PRORP: variants seen among roughly 807,000 people sequenced by gnomAD.
PRORP encodes the protein protein only RNase P catalytic subunit.
A neutral mutation model predicts 59.4 loss-of-function variants in PRORP; 51 were observed. The observed-to-expected ratio is 0.86, with a 90% CI of 0.69 to 1.08. The LOEUF is 1.08. Among genes scored for constraint, PRORP ranks in the 50% least tolerant of loss-of-function variants. The pLI, the probability that PRORP is intolerant of heterozygous loss-of-function variation, is 0.00. For synonymous variants in PRORP, 231 were observed against 245.6 expected (o/e 0.94, Z 0.55); for missense variants, 646 against 690.3 (o/e 0.94, Z 0.72).
rs905920255 is a variant in PRORP at position 35,268,690 on chromosome 14, G to T, written c.1425-1711G>T. Among the ~76,000 whole-genome samples, 6 of 152,202 alleles carry T rather than the reference G, an allele frequency of 3.9e-5. 1 individual carries two copies. Among genetic ancestry groups the T allele is most frequent in the African/African-American group, 2.4e-5 (1 of 41,520 alleles). ...TGCTCATGGCAACCTCCACCTCCCGGGTTCAAGCGATTCTCCTGCCTCAGC... is the reference window on the plus strand; with the variant it reads ...TGCTCATGGCAACCTCCACCTCCCGTGTTCAAGCGATTCTCCTGCCTCAGC... On this transcript the variant is annotated intron_variant, in intron 6 of 7. Coordinates refer to ENST00000534898, the MANE Select transcript of PRORP (RefSeq NM_014672.4).
At chr14:35,159,777 G>A (rs1268987950) in intron 4 of PRORP, among the ~76,000 whole-genome samples, 1 of 152,164 alleles carries the variant, frequency 6.6e-6, no homozygotes, top group Admixed American at 6.5e-5. Context: ...GAAAAGTTCG[G>A]TAACTTGCTG....
At chr14:35,152,460 G>A (rs1450970422) in intron 4 of PRORP, among the ~76,000 whole-genome samples, 1 of 152,226 alleles carries the variant, frequency 6.6e-6, no homozygotes, top group African/African-American at 2.4e-5. Flanking sequence ...CCTCCCAGAC[G>A]GGATGGTGGC....
chr14:35,219,072 A>T (rs1017590764), intron 5 of PRORP: 2 of 152,200 alleles, frequency 1.3e-5, no homozygotes, highest in African/African-American at 4.8e-5. Context: ...CTCTAGAACA[A>T]ATATATACAG....
chr14:35,196,308 C>T (rs894983656), intron 5 of PRORP, among the ~76,000 whole-genome samples: 2 of 152,120 alleles, frequency 1.3e-5, no homozygotes, highest in African/African-American at 2.4e-5. Context: ...GACCCCCCTG[C>T]CCCCTGCCAT....
At chr14:35,179,400 C>T (rs1566479599) in intron 4 of PRORP, among the ~76,000 whole-genome samples, 1 of 152,314 alleles carries the variant, frequency 6.6e-6, no homozygotes, top group East Asian at 1.9e-4. Flanking sequence ...TTGGTCTTTT[C>T]ATATAGTCCC....
intron 4 of PRORP, among the ~76,000 whole-genome samples, chr14:35,157,084 T>C (rs1057455459): frequency 6.6e-6 from 1 of 151,430 alleles, no homozygotes; most frequent in Non-Finnish European, 1.5e-5. Flanking sequence ...GCCTACCAAA[T>C]AGCTGGGACT....
chr14:35,199,266 C>T (rs551835113), intron 5 of PRORP, among the ~76,000 whole-genome samples: 15 of 147,772 alleles, frequency 1.0e-4, no homozygotes, highest in Non-Finnish European at 2.1e-4. Context: ...ACCCGGAAGG[C>T]GGATGTTGCA....
intron 5 of PRORP, among the ~76,000 whole-genome samples, chr14:35,256,750 T>C (rs936439088): frequency 2.0e-5 from 3 of 152,180 alleles, no homozygotes; most frequent in Admixed American, 6.5e-5. Context: ...AATTGGTATA[T>C]AGATGAAATT....
chr14:35,135,123 CAG>C lies in PRORP; in HGVS notation c.1167+7515_1167+7516del, dbSNP rs559863757. Among the ~76,000 whole-genome samples the C allele has an allele frequency of 7.3e-4, 111 of 152,352 alleles. 1 individual carries two copies. Among genetic ancestry groups the C allele is most frequent in the African/African-American group, 2.6e-3 (108 of 41,584 alleles). On this transcript the variant is annotated intron_variant, in intron 4 of 7. Coordinates refer to ENST00000534898, the MANE Select transcript of PRORP (RefSeq NM_014672.4). ...CTGCACTCTCCCTCTCCCAAACACTCAGAGTCTTTCTCTGCACCACATTGCTG... is the reference window on the plus strand; with the variant it reads ...CTGCACTCTCCCTCTCCCAAACACTCAGTCTTTCTCTGCACCACATTGCTG...
At chr14:35,171,754 C>T (rs769105528) in intron 4 of PRORP, among the ~76,000 whole-genome samples, 24 of 151,980 alleles carry the variant, frequency 1.6e-4, no homozygotes, top group Non-Finnish European at 2.6e-4. Flanking sequence ...CCTTTCTATC[C>T]TCTCCTTCTA....
At chr14:35,238,899 T>C (rs535375487) in intron 5 of PRORP, among the ~76,000 whole-genome samples, 1 of 152,316 alleles carries the variant, frequency 6.6e-6, no homozygotes, top group Non-Finnish European at 1.5e-5. Context: ...AGCCTAACAA[T>C]AACAACACGT....
At chr14:35,131,652 C>G (rs1394672100) in intron 4 of PRORP, among the ~76,000 whole-genome samples, 2 of 151,534 alleles carry the variant, frequency 1.3e-5, no homozygotes, top group East Asian at 3.9e-4. Context: ...CTTCAGCCTT[C>G]CGAGTAGCTG....
At chr14:35,223,424 T>G (rs980648186) in intron 5 of PRORP, among the ~76,000 whole-genome samples, 7 of 151,950 alleles carry the variant, frequency 4.6e-5, no homozygotes, top group African/African-American at 1.2e-4. Flanking sequence ...CCTCCTTGTA[T>G]TAACCTTCTA....
chr14:35,129,264 T>C (rs1261379782), intron 4 of PRORP, among the ~76,000 whole-genome samples: 1 of 152,102 alleles, frequency 6.6e-6, no homozygotes, highest in African/African-American at 2.4e-5. Flanking sequence ...TCTGTTTTGA[T>C]ATAGGCACTT....
At chr14:35,209,239 A>T (rs1302816907) in intron 5 of PRORP, among the ~76,000 whole-genome samples, 1 of 152,118 alleles carries the variant, frequency 6.6e-6, no homozygotes, top group Admixed American at 6.6e-5. Flanking sequence ...ATACAAATCC[A>T]GTACATCTCA....
chr14:35,260,924 TCCATCCAACTTGA>T (rs1354260122), intron 5 of PRORP, among the ~76,000 whole-genome samples: 2 of 152,190 alleles, frequency 1.3e-5, no homozygotes, highest in Non-Finnish European at 2.9e-5. Context: ...AACAAAGCGA[TCCATCCAACTTGA>T]CCTCCCAAAG....
intron 4 of PRORP, among the ~76,000 whole-genome samples, chr14:35,171,781 G>C (rs372391089): frequency 6.6e-6 from 1 of 152,012 alleles, no homozygotes; most frequent in African/African-American, 2.4e-5. Flanking sequence ...AATTACACAT[G>C]TTAATCTGTT....
intron 5 of PRORP, among the ~76,000 whole-genome samples, chr14:35,263,489 C>T (rs1006515629): frequency 4.6e-5 from 7 of 152,128 alleles, no homozygotes; most frequent in African/African-American, 1.7e-4. Context: ...GAGTTTGAGA[C>T]CAGCCTGGCC....
In PRORP at chr14:35,242,088, T is replaced by C. The variant is rs79386814; in HGVS notation, c.1276-24639T>C. 3.9e-3 allele frequency among the ~76,000 whole-genome samples: 588 copies of C among 152,294 alleles called. 5 individuals carry two copies. Among genetic ancestry groups the C allele is most frequent in the East Asian group, 0.023 (120 of 5,180 alleles). ...TTGGTAAATTTGTGTATTATTTGTA[T>C]TGCATTAGAATAATATACATCTTAG... On this transcript the variant is annotated intron_variant, in intron 5 of 7. Coordinates refer to ENST00000534898, the MANE Select transcript of PRORP (RefSeq NM_014672.4).
Sources: gnomAD v4.1 joint callset for allele counts (sites outside exome capture counted in the v4.1 genomes callset) on GRCh38, gnomAD v4.1.1 for gene constraint, MANE v1.5 for transcripts, NCBI Gene and HGNC (gene_info 2026-07-23, HGNC 2026-07-21) for gene names.